Variants in RSU1 observed in about 807,000 individuals in gnomAD.
RSU1 encodes Ras suppressor protein 1, also known as rsu-1.
Under a neutral mutation model 31.1 loss-of-function variants are expected in RSU1, and 26 were observed. The observed-to-expected ratio is 0.84, with a 90% CI of 0.61 to 1.16. RSU1 has a LOEUF of 1.16. Among genes scored for constraint, RSU1 ranks in the 50% most tolerant of loss-of-function variants. The pLI is 0.00. For synonymous variants in RSU1, 164 were observed against 136.3 expected, an observed-to-expected ratio of 1.20 and a Z score of -1.41; for missense variants, 320 against 339.1, an observed-to-expected ratio of 0.94 and a Z score of 0.44.
intron 8 of RSU1, among the ~76,000 whole-genome samples, chr10:16,601,995 C>G (rs775326588): frequency 3.3e-5 from 5 of 152,168 alleles, no homozygotes; most frequent in Non-Finnish European, 5.9e-5. Context: ...ATGGCTCACT[C>G]AATCTGAGGC....
At chr10:16,641,091 A>G (rs1378513686) in intron 8 of RSU1, among the ~76,000 whole-genome samples, 1 of 152,208 alleles carries the variant, frequency 6.6e-6, no homozygotes, top group Non-Finnish European at 1.5e-5. Flanking sequence ...CAGGTGCAGC[A>G]GTCCACCATG....
intron 8 of RSU1, among the ~76,000 whole-genome samples, chr10:16,690,385 G>A (rs1028543330): frequency 5.3e-5 from 8 of 152,132 alleles, no homozygotes; most frequent in African/African-American, 1.4e-4. Flanking sequence ...AAGTTCCCCT[G>A]TGGAAGGCAC....
intron 8 of RSU1, among the ~76,000 whole-genome samples, chr10:16,663,005 A>C (rs990817705): frequency 1.3e-5 from 2 of 152,016 alleles, no homozygotes; most frequent in African/African-American, 4.8e-5. Context: ...TAAGTTTGAA[A>C]GGATGAGAGC....
At chr10:16,781,956 G>A in intron 3 of RSU1, 78 bp downstream of exon 3, 4 of 1,223,762 alleles carry the variant, frequency 3.3e-6, no homozygotes, top group Non-Finnish European at 4.7e-6. Context: ...TTTCTCCCAA[G>A]GAAACAGTAA....
chr10:16,774,904 G>T (rs1227423667), intron 3 of RSU1, among the ~76,000 whole-genome samples: 1 of 152,120 alleles, frequency 6.6e-6, no homozygotes, highest in East Asian at 1.9e-4. Flanking sequence ...AGGAGTTTGA[G>T]TCCAGCCTGG....
rs963379137 is a variant in RSU1 at position 16,766,220 on chromosome 10, G to A, written c.161-1710C>T. 3.9e-5 allele frequency among the ~76,000 whole-genome samples: 6 copies of A among 152,334 alleles called. No homozygotes were observed. In the South Asian group the frequency reaches 6.2e-4, roughly 16 times the overall value. On this transcript the variant is annotated intron_variant, in intron 3 of 8. Coordinates refer to ENST00000345264, the MANE Select transcript of RSU1 (RefSeq NM_012425.4). ...CCCTGCGCGAGCTCCGGAAGTGGCC[G>A]TTGATAAAAGAACAAGTTTTCATCG... is the stretch of plus-strand genomic sequence containing the variant.
rs1380000383 is a variant in RSU1, at chr10:16,752,397, A to G, written c.598+142T>C. On this transcript the variant is annotated intron_variant, in intron 7 of 8. Transcript: ENST00000345264. Reference sequence around the variant, plus strand: ...GTAACAGCTAACTCTGGTCAATGACAAATGGTTCTCAAATGATCAGCATCG... The same window carrying G: ...GTAACAGCTAACTCTGGTCAATGACGAATGGTTCTCAAATGATCAGCATCG... 5 of 640,174 alleles carry G rather than the reference A, an allele frequency of 7.8e-6. No individual in the cohort carries two copies. The East Asian group carries it at 8.3e-5, about 11-fold the overall frequency. 39.7% of individuals were successfully genotyped at this position (640,174 alleles called of 1,614,324 possible). A position where few individuals can be genotyped will look rare whatever the true frequency, so the allele number is the denominator to read the frequency against.
chr10:16,606,480 G>A (rs1833807161), intron 8 of RSU1, among the ~76,000 whole-genome samples: 1 of 152,028 alleles, frequency 6.6e-6, no homozygotes, highest in Admixed American at 6.5e-5. Context: ...AAAAAAATCA[G>A]AATGAATTTT....
At chr10:16,786,930 T>C (rs1162085642) in intron 2 of RSU1, among the ~76,000 whole-genome samples, 1 of 152,072 alleles carries the variant, frequency 6.6e-6, no homozygotes, top group Non-Finnish European at 1.5e-5. Flanking sequence ...CAGCTTAAAG[T>C]TAAAAACGCC....
At chr10:16,657,668 A>G (rs1834811130) in intron 8 of RSU1, among the ~76,000 whole-genome samples, 1 of 151,548 alleles carries the variant, frequency 6.6e-6, no homozygotes, top group Non-Finnish European at 1.5e-5. Context: ...TTATGCCTCC[A>G]GACAGCTTTG....
intron 2 of RSU1, among the ~76,000 whole-genome samples, chr10:16,801,111 G>C (rs1403610503): frequency 1.5e-5 from 2 of 135,264 alleles, no homozygotes; most frequent in African/African-American, 5.5e-5. Flanking sequence ...AAAAAAAACA[G>C]GATCTAACTA....
At chr10:16,707,192 C>G (rs747448166) in intron 7 of RSU1, among the ~76,000 whole-genome samples, 1 of 152,134 alleles carries the variant, frequency 6.6e-6, no homozygotes, top group African/African-American at 2.4e-5. Context: ...GTAAACAGTG[C>G]TGCAATAAAC....
At chr10:16,594,085 T>C (rs1488461342) in intron 8 of RSU1, among the ~76,000 whole-genome samples, 3 of 152,192 alleles carry the variant, frequency 2.0e-5, no homozygotes, top group Non-Finnish European at 4.4e-5. Flanking sequence ...GCTGAGAGGA[T>C]TTAACTGAAC....
chr10:16,805,630 C>T (rs1309427145), intron 2 of RSU1, among the ~76,000 whole-genome samples: 1 of 139,666 alleles, frequency 7.2e-6, no homozygotes, highest in Non-Finnish European at 1.5e-5. Flanking sequence ...GAGCGGAGAT[C>T]ACGCCACTGC....
intron 3 of RSU1, among the ~76,000 whole-genome samples, chr10:16,765,096 T>C (rs2131632117): frequency 6.6e-6 from 1 of 152,316 alleles, no homozygotes; most frequent in Non-Finnish European, 1.5e-5. Context: ...ATATATGATC[T>C]TATAGGTGCA....
intron 8 of RSU1, among the ~76,000 whole-genome samples, chr10:16,632,784 C>CA (rs200765928): frequency 5.2e-4 from 78 of 150,736 alleles, no homozygotes; most frequent in East Asian, 4.7e-3. Context: ...ACCAAGAATA[C>CA]AAAAAAAAAT....
intron 7 of RSU1, among the ~76,000 whole-genome samples, chr10:16,712,535 G>C (rs1836042334): frequency 6.6e-6 from 1 of 152,116 alleles, no homozygotes; most frequent in African/African-American, 2.4e-5. Context: ...TAACATAAGA[G>C]TCTTGTAGTT....
intron 8 of RSU1, among the ~76,000 whole-genome samples, chr10:16,616,101 T>C (rs1160675838): frequency 1.3e-5 from 2 of 151,982 alleles, no homozygotes; most frequent in Non-Finnish European, 2.9e-5. Flanking sequence ...TTTGAGAAGA[T>C]TAGCAAAATA....
intron 8 of RSU1, among the ~76,000 whole-genome samples, chr10:16,681,406 A>C (rs975139871): frequency 1.3e-5 from 2 of 152,104 alleles, no homozygotes; most frequent in African/African-American, 4.8e-5. Flanking sequence ...TAGATATTCC[A>C]TAAAATATGG....
Sources: allele counts gnomAD v4.1 joint callset (sites outside exome capture counted in the v4.1 genomes callset), GRCh38; gene constraint gnomAD v4.1.1; transcripts MANE v1.5; gene names NCBI Gene and HGNC (gene_info 2026-07-23, HGNC 2026-07-21).